The following FGF1 variants were observed in gnomAD, a reference collection of about 807,000 sequenced individuals.
The protein encoded by FGF1 is fibroblast growth factor 1.
FGF1 carries 9 observed loss-of-function variants against 13.4 expected under a neutral mutation model. The ratio of observed to expected loss-of-function variants is 0.67; its 90% confidence interval spans 0.40 to 1.17. The LOEUF is 1.17. Ranked by LOEUF, FGF1 falls within the 50% of genes most tolerant of loss-of-function variation. FGF1 has a pLI of 0.01. For missense variants in FGF1, 156 were observed against 192.7 expected (o/e 0.81, Z 1.13); for synonymous variants, 93 against 79.0 (o/e 1.18, Z -0.94).
In FGF1 at chr5:142,594,357, C is replaced by T. The variant is rs955241697; in HGVS notation, c.*933G>A. On this transcript the variant is annotated 3_prime_UTR_variant, in exon 4 of 4. Transcript: ENST00000337706. Reference sequence around the variant, plus strand: ...TGCAAGCACTTCAGTGTTGGAGAAGCACTGGGCTAGGACCCCAAAGCCTCT... The same window carrying T: ...TGCAAGCACTTCAGTGTTGGAGAAGTACTGGGCTAGGACCCCAAAGCCTCT... The T allele has an allele frequency of 2.0e-5, 3 of 152,242 alleles. No homozygotes were observed. Among genetic ancestry groups the T allele is most frequent in the Admixed American group, 6.5e-5 (1 of 15,284 alleles). 9.4% of individuals were successfully genotyped at this position (152,242 alleles called of 1,614,324 possible). A position where few individuals can be genotyped will look rare whatever the true frequency, so the allele number is the denominator to read the frequency against.
intron 1 of FGF1, among the ~76,000 whole-genome samples, chr5:142,616,678 TC>T (rs907118876): frequency 2.0e-5 from 3 of 151,980 alleles, no homozygotes; most frequent in Non-Finnish European, 4.4e-5. Flanking sequence ...CTCCACTCAC[TC>T]CTCTCTCCAC....
At chr5:142,648,906 T>G (rs1766693248) in intron 1 of FGF1, among the ~76,000 whole-genome samples, 1 of 152,006 alleles carries the variant, frequency 6.6e-6, no homozygotes, top group African/African-American at 2.4e-5. Flanking sequence ...GAGATGTATG[T>G]GCTTATTAAT....
At chr5:142,659,353 C>T (rs173646) in intron 1 of FGF1, among the ~76,000 whole-genome samples, 3 of 151,548 alleles carry the variant, frequency 2.0e-5, no homozygotes, top group Non-Finnish European at 2.9e-5. Context: ...CTCAGCCTCC[C>T]GAGTAGCTGG....
At chr5:142,684,924 A>G (rs1001327370) in intron 1 of FGF1, among the ~76,000 whole-genome samples, 6 of 147,930 alleles carry the variant, frequency 4.1e-5, no homozygotes, top group African/African-American at 1.5e-4. Flanking sequence ...TCACCAGTGC[A>G]GAAAGGAGGG....
At chr5:142,624,834 G>T (rs561978859) in intron 1 of FGF1, among the ~76,000 whole-genome samples, 1 of 152,348 alleles carries the variant, frequency 6.6e-6, no homozygotes, top group South Asian at 2.1e-4. Flanking sequence ...AGCTCTGAAA[G>T]CTAGAAGTTC....
chr5:142,650,272 C>T (rs1344487919), intron 1 of FGF1, among the ~76,000 whole-genome samples: 2 of 152,144 alleles, frequency 1.3e-5, no homozygotes, highest in Non-Finnish European at 2.9e-5. Context: ...TACTCATTCT[C>T]CTTTAAAGAA....
intron 2 of FGF1, among the ~76,000 whole-genome samples, chr5:142,605,778 G>A (rs925019792): frequency 6.6e-6 from 1 of 152,174 alleles, no homozygotes; most frequent in Non-Finnish European, 1.5e-5. Context: ...TGCAAGTAGG[G>A]CTGGCAGGAA....
intron 1 of FGF1, among the ~76,000 whole-genome samples, chr5:142,660,937 G>A (rs1362252012): frequency 6.6e-6 from 1 of 152,126 alleles, no homozygotes; most frequent in Non-Finnish European, 1.5e-5. Context: ...CAGGCAACAG[G>A]ACTCCTGGCC....
At chr5:142,682,629 T>C (rs1442058790) in intron 1 of FGF1, among the ~76,000 whole-genome samples, 1 of 152,156 alleles carries the variant, frequency 6.6e-6, no homozygotes, top group Non-Finnish European at 1.5e-5. Context: ...ACTTAGCTAA[T>C]GTGTTATGCT....
chr5:142,606,218 C>CTCTGTGTGTGTGTGTGTG (rs151219206), intron 2 of FGF1, among the ~76,000 whole-genome samples: 33 of 143,146 alleles, frequency 2.3e-4, no homozygotes, highest in Non-Finnish European at 3.8e-4. Context: ...CTTTCTCTCT[C>CTCTGTGTGTGTGTGTGTG]TGTGTGTGTG....
At chr5:142,620,864 T>C (rs1459996153) in intron 1 of FGF1, among the ~76,000 whole-genome samples, 1 of 152,110 alleles carries the variant, frequency 6.6e-6, no homozygotes, top group Non-Finnish European at 1.5e-5. Flanking sequence ...ACAACCCAAA[T>C]AGAAAAATTT....
In FGF1 at chr5:142,615,089, C is replaced by T. The variant is rs17223583; in HGVS notation, c.-34-928G>A. Among the ~76,000 whole-genome samples, 354 of 152,154 alleles carry T rather than the reference C, an allele frequency of 2.3e-3. 11 individuals are homozygous for T. In the East Asian group the frequency reaches 0.061, roughly 26 times the overall value. On this transcript the variant is annotated intron_variant, in intron 1 of 3. Transcript: ENST00000337706. ...ACTTACACCTCAAAGGATTAAAAAACAAAACCAATGAGCATTAGAATTGGT... is the reference window on the plus strand; with the variant it reads ...ACTTACACCTCAAAGGATTAAAAAATAAAACCAATGAGCATTAGAATTGGT...
Position 142,659,891 on chromosome 5 carries a change from C to G in FGF1, c.-35+26066G>C, listed in dbSNP as rs17216923. ...ATGCCCTTTGGTCTGTTTCTCTAGT[C>G]GAAGGGGAGAAATTCTCTTGCTCAG... On this transcript the variant is annotated intron_variant, in intron 1 of 3. Coordinates refer to ENST00000337706, the MANE Select transcript of FGF1 (RefSeq NM_000800.5). 6.2e-3 allele frequency among the ~76,000 whole-genome samples: 948 copies of G among 152,276 alleles called. 10 individuals are homozygous for G. Among genetic ancestry groups the G allele is most frequent in the African/African-American group, 0.021 (867 of 41,566 alleles).
At chr5:142,689,121 A>G (rs1226645814), upstream of FGF1, among the ~76,000 whole-genome samples, 3 of 152,188 alleles carry the variant, frequency 2.0e-5, no homozygotes, top group Admixed American at 2.0e-4. Flanking sequence ...AATGACATTC[A>G]ATATTTGCCT....
chr5:142,693,572 T>C (rs1221552016), intron 2 of FGF1, among the ~76,000 whole-genome samples: 1 of 152,240 alleles, frequency 6.6e-6, no homozygotes, highest in Non-Finnish European at 1.5e-5. Context: ...CCATTTAAAA[T>C]GTACAATTAA....
chr5:142,626,984 T>C (rs1016671642), intron 1 of FGF1: 2 of 152,348 alleles, frequency 1.3e-5, no homozygotes, highest in African/African-American at 4.8e-5. Flanking sequence ...AAAATGAAGC[T>C]GTTAAGAGCT....
At position 142,667,601 on chromosome 5, in the gene FGF1, A is replaced by AAAAG. The variant is rs1561714305; in HGVS notation, c.-35+18352_-35+18355dup. The stretch of plus-strand genomic sequence containing the variant: ...ACTCCGTCTCAAAAAAAAAAAAAAA[A>AAAAG]AAAGAAAGAAATACAGCAAGGAAAA... On this transcript the variant is annotated intron_variant, in intron 1 of 3. Coordinates refer to ENST00000337706, the MANE Select transcript of FGF1 (RefSeq NM_000800.5). 3.3e-5 allele frequency among the ~76,000 whole-genome samples: 5 copies of AAAAG among 151,940 alleles called. No individual in the cohort carries two copies. The East Asian group carries it at 9.7e-4, about 29-fold the overall frequency.
At chr5:142,692,824 AAAC>A (rs1460099519) in intron 2 of FGF1, among the ~76,000 whole-genome samples, 4 of 72,516 alleles carry the variant, frequency 5.5e-5, no homozygotes, top group Non-Finnish European at 1.2e-4. Flanking sequence ...TATTTGGCAA[AAAC>A]AAACAAACAA....
intron 2 of FGF1, among the ~76,000 whole-genome samples, chr5:142,610,718 T>C (rs1188756513): frequency 6.6e-6 from 1 of 152,178 alleles, no homozygotes; most frequent in Non-Finnish European, 1.5e-5. Context: ...AGCAGCGATC[T>C]AAGGAATGGA....
Sources: allele counts gnomAD v4.1 joint callset (sites outside exome capture counted in the v4.1 genomes callset), GRCh38; gene constraint gnomAD v4.1.1; transcripts MANE v1.5; gene names NCBI Gene and HGNC (gene_info 2026-07-23, HGNC 2026-07-21).